PDE8A: variants seen among roughly 807,000 people sequenced by gnomAD.
PDE8A encodes phosphodiesterase 8A.
In PDE8A, 59 loss-of-function variants were observed where a neutral mutation model predicts 105.0. The ratio of observed to expected loss-of-function variants is 0.56; its 90% CI spans 0.46 to 0.70. The LOEUF is 0.70. Ranked by LOEUF, PDE8A falls within the 30% of genes least tolerant of loss-of-function variation. The pLI, the probability that PDE8A is intolerant of heterozygous loss-of-function variation, is 0.00. For synonymous variants in PDE8A, 355 were observed against 371.9 expected (o/e 0.95, Z 0.52); for missense variants, 1,014 against 1,045.9 (o/e 0.97, Z 0.42).
At chr15:85,037,042 A>T (rs2080718829) in intron 1 of PDE8A, among the ~76,000 whole-genome samples, 1 of 150,924 alleles carries the variant, frequency 6.6e-6, no homozygotes, top group Non-Finnish European at 1.5e-5. Flanking sequence ...TGAAGGTTGC[A>T]GTGCTCTTAA....
Position 84,982,344 on chromosome 15 carries a change from A to G in PDE8A, c.182A>G (p.Lys61Arg). 1.5e-6 allele frequency: 2 copies of G among 1,327,824 alleles called. No homozygotes were observed. The highest frequency in any genetic ancestry group is 9.6e-7 in the Non-Finnish European group (1 of 1,042,410). 82.3% of individuals were successfully genotyped at this position (1,327,824 alleles called of 1,614,324 possible). A position where few individuals can be genotyped will look rare whatever the true frequency, so the allele number is the denominator to read the frequency against. Residue 61 changes from lysine to arginine, a missense_variant, in exon 1 of 22, where the codon AAG (lysine) becomes AGG (arginine). Physicochemically the swap from Lys to Arg is conservative, Grantham distance 26 (BLOSUM62 2). Transcript: ENST00000394553. ...TCGGAGCTTCGCGACGGCAGCGGCA[A>G]GAAGGTAAGGGGCGCCGGGCACTCT... ...LESELRDGSG[K>R]KVAVADVQFG...
At chr15:85,073,864 C>T (rs189857567) in intron 3 of PDE8A, among the ~76,000 whole-genome samples, 30 of 152,324 alleles carry the variant, frequency 2.0e-4, no homozygotes, top group African/African-American at 7.0e-4. Context: ...ATAGCTCTTC[C>T]CCAGGAAGCT....
chr15:85,038,358 C>A (rs1020072520), intron 1 of PDE8A, among the ~76,000 whole-genome samples: 1 of 151,988 alleles, frequency 6.6e-6, no homozygotes. Flanking sequence ...CTTTTTCATT[C>A]CTTTACATGG....
Position 84,991,709 on chromosome 15 carries a change from A to G in PDE8A, c.186+9361A>G, listed in dbSNP as rs1226138045. Among the ~76,000 whole-genome samples, 4 of 152,370 alleles carry G rather than the reference A, an allele frequency of 2.6e-5. No individual in the cohort carries two copies. The East Asian group carries it at 7.7e-4, about 29-fold the overall frequency. ...CAAATGTCCATTAACAACATAATGG[A>G]TAAAAAAGTTATGATATGTTCAAAG... On this transcript the variant is annotated intron_variant, in intron 1 of 21. Transcript: ENST00000394553.
At chr15:85,005,881 A>G (rs953971942) in intron 1 of PDE8A, among the ~76,000 whole-genome samples, 3 of 152,194 alleles carry the variant, frequency 2.0e-5, no homozygotes, top group Non-Finnish European at 2.9e-5. Context: ...GAACTGACCA[A>G]TTAAGTCAGG....
intron 1 of PDE8A, among the ~76,000 whole-genome samples, chr15:85,020,220 AAAG>A (rs1338536094): frequency 2.6e-5 from 4 of 152,288 alleles, no homozygotes; most frequent in African/African-American, 7.2e-5. Flanking sequence ...TCTGTCTGCC[AAAG>A]AAGGAGAGTA....
intron 1 of PDE8A, among the ~76,000 whole-genome samples, chr15:85,041,929 C>T (rs1034071133): frequency 6.6e-6 from 1 of 152,178 alleles, no homozygotes; most frequent in African/African-American, 2.4e-5. Context: ...ACCTCTCGTT[C>T]CAGTAGTTTC....
intron 15 of PDE8A, 73 bp from the exon 16 acceptor site, chr15:85,115,911 T>G (rs1229108621): frequency 7.8e-7 from 1 of 1,284,950 alleles, no homozygotes; most frequent in Non-Finnish European, 1.1e-6. Flanking sequence ...CAGAGTGAGA[T>G]TCCGTCTCAA....
At chr15:85,137,447 G>A (rs531869395) in intron 21 of PDE8A, among the ~76,000 whole-genome samples, 36 of 150,942 alleles carry the variant, frequency 2.4e-4, no homozygotes, top group African/African-American at 8.5e-4. Flanking sequence ...ACAAGGGCCA[G>A]GCCATCGGTT....
chr15:85,113,452 A>G lies in PDE8A; in HGVS notation c.1185+5A>G, dbSNP rs762501233. ...ATTGAGGCGCCCATCACCAAGGTGA[A>G]GCAGTTTGTGGTCTGTCTCCATTGA... On this transcript the variant is annotated splice_donor_5th_base_variant and intron_variant, in intron 13 of 21. Transcript: ENST00000394553. The G allele has an allele frequency of 6.8e-6, 11 of 1,612,608 alleles. No homozygotes were observed. The African/African-American group carries it at 1.2e-4, about 18-fold the overall frequency.
chr15:85,128,632 A>T (rs2141642327), intron 20 of PDE8A, among the ~76,000 whole-genome samples: 1 of 152,380 alleles, frequency 6.6e-6, no homozygotes, highest in East Asian at 1.9e-4. Flanking sequence ...ATATTTACAA[A>T]TTATATTTGA....
At chr15:85,114,966 A>T (rs540481188) in intron 14 of PDE8A, among the ~76,000 whole-genome samples, 1 of 152,186 alleles carries the variant, frequency 6.6e-6, no homozygotes, top group South Asian at 2.1e-4. Flanking sequence ...AGGAGAGTCA[A>T]CTGTGGGGAA....
intron 1 of PDE8A, among the ~76,000 whole-genome samples, chr15:85,002,407 T>G: frequency 6.6e-6 from 1 of 152,196 alleles, no homozygotes; most frequent in Non-Finnish European, 1.5e-5. Context: ...CAGGGCTAGG[T>G]CTAGAGGGTC....
At position 85,076,715 on chromosome 15, in the gene PDE8A, T is replaced by C. The variant is rs530373565; in HGVS notation, c.492-18T>C. ...TGATAAAAACTATGTCTATGTTCTT[T>C]ACTGTGTTATTTTGAAGGGTGGATA... On this transcript the variant is annotated intron_variant, in intron 4 of 21. Transcript: ENST00000394553. 1.3e-6 allele frequency: 2 copies of C among 1,529,558 alleles called. No individual in the cohort carries two copies. The highest frequency in any genetic ancestry group is 2.2e-5 in the South Asian group (2 of 89,444). The allele number at this position is 1,529,558 out of a possible 1,614,324, so 94.7% of individuals were successfully genotyped here. A position where few individuals can be genotyped will look rare whatever the true frequency, so the allele number is the denominator to read the frequency against.
At chr15:85,019,935 T>G (rs2080394160) in intron 1 of PDE8A, among the ~76,000 whole-genome samples, 1 of 138,644 alleles carries the variant, frequency 7.2e-6, no homozygotes, top group South Asian at 2.2e-4. Context: ...TGGGGGAGTT[T>G]TTTTTTGGTT....
chr15:85,136,124 AC>A (rs2082405439), intron 20 of PDE8A, among the ~76,000 whole-genome samples: 1 of 152,174 alleles, frequency 6.6e-6, no homozygotes, highest in Admixed American at 6.5e-5. Flanking sequence ...CTCACTCCCC[AC>A]CCTGACCTAA....
At chr15:85,018,029 T>C (rs779010796) in intron 1 of PDE8A, among the ~76,000 whole-genome samples, 2 of 152,178 alleles carry the variant, frequency 1.3e-5, no homozygotes, top group Non-Finnish European at 2.9e-5. Flanking sequence ...TCTGTAGTTA[T>C]AATATCCAGA....
intron 1 of PDE8A, among the ~76,000 whole-genome samples, chr15:85,060,830 A>G (rs2141442572): frequency 6.6e-6 from 1 of 152,340 alleles, no homozygotes; most frequent in South Asian, 2.1e-4. Flanking sequence ...GTTATAAGCC[A>G]TTTATACAAT....
At chr15:85,010,685 G>A (rs951681259) in intron 1 of PDE8A, among the ~76,000 whole-genome samples, 9 of 152,308 alleles carry the variant, frequency 5.9e-5, no homozygotes, top group African/African-American at 2.2e-4. Context: ...ACTTCAAAGG[G>A]AACAGTCTTT....
Sources: allele counts gnomAD v4.1 joint callset (sites outside exome capture counted in the v4.1 genomes callset), GRCh38; gene constraint gnomAD v4.1.1; transcripts MANE v1.5; gene names NCBI Gene and HGNC (gene_info 2026-07-23, HGNC 2026-07-21).